Variants in COL28A1 observed in about 807,000 individuals in gnomAD.
COL28A1 encodes collagen alpha-1(XXVIII) chain.
A neutral mutation model predicts 150.2 loss-of-function variants in COL28A1; 161 were observed. The observed-to-expected ratio is 1.07, with a 90% CI of 0.94 to 1.22. The LOEUF (loss-of-function observed/expected upper bound fraction) is 1.22. Ranked by LOEUF, COL28A1 falls within the 50% of genes most tolerant of loss-of-function variation. COL28A1 has a pLI of 0.00. For synonymous variants in COL28A1, 552 were observed against 469.7 expected (o/e 1.18, Z -2.26); for missense variants, 1,617 against 1,388.3 (o/e 1.16, Z -2.62).
rs186309515 is a variant in COL28A1 at position 7,379,643 on chromosome 7, T to C, written c.2322+1017A>G. 1.9e-3 allele frequency among the ~76,000 whole-genome samples: 293 copies of C among 152,202 alleles called. 1 individual carries two copies. Among genetic ancestry groups the C allele is most frequent in the Non-Finnish European group, 3.1e-3 (208 of 67,990 alleles). ...AGTAAGGTTTACTGGATACATCCAA[T>C]AAAGGTTGGTGAAATGAATGAATGA... On this transcript the variant is annotated intron_variant, in intron 30 of 34. Coordinates refer to ENST00000399429, the MANE Select transcript of COL28A1 (RefSeq NM_001037763.3).
intron 25 of COL28A1, among the ~76,000 whole-genome samples, chr7:7,428,149 T>C (rs939643395): frequency 6.6e-6 from 1 of 152,204 alleles, no homozygotes; most frequent in African/African-American, 2.4e-5. Flanking sequence ...TAATAGTAAT[T>C]ATACCTGTAA....
At chr7:7,524,589 C>T (rs1211257686) in intron 3 of COL28A1, among the ~76,000 whole-genome samples, 1 of 152,178 alleles carries the variant, frequency 6.6e-6, no homozygotes, top group South Asian at 2.1e-4. Context: ...AAAGCTCTCA[C>T]TTTTACATAC....
At chr7:7,448,338 AG>A (rs1312666926) in intron 18 of COL28A1, among the ~76,000 whole-genome samples, 2 of 152,210 alleles carry the variant, frequency 1.3e-5, no homozygotes, top group Admixed American at 1.3e-4. Flanking sequence ...AACAAATATA[AG>A]GATAACAACA....
Position 7,380,842 on chromosome 7 carries a change from G to A in COL28A1, c.2226C>T (p.Gly742=), listed in dbSNP as rs768576496. 1.1e-5 allele frequency: 18 copies of A among 1,613,426 alleles called. No individual in the cohort carries two copies. The highest frequency in any genetic ancestry group is 2.7e-5 in the African/African-American group (2 of 74,824). Residue 742 remains glycine (G), a synonymous_variant, in exon 29 of 35, where the codon GGC becomes GGT. Transcript: ENST00000399429. The part of the protein sequence containing the change: ...PGQKGEHGER[G]DVGKKGDKGE... The stretch of plus-strand genomic sequence containing the variant: ...CTTTATCACCTTTCTTTCCCACATC[G>A]CCCCGTTCTCCGTGCTCTCCCTTTA...
chr7:7,477,327 T>A lies in COL28A1; in HGVS notation c.1165-147A>T, dbSNP rs10226811. On this transcript the variant is annotated intron_variant, in intron 13 of 34. Transcript: ENST00000399429. The stretch of plus-strand genomic sequence containing the variant: ...TGGATAGTTGGATCTGTACTAAACA[T>A]GTACAGGCTTTTTCTACTTTATTAG... The A allele has an allele frequency of 4.1e-4, 250 of 611,864 alleles. No homozygotes were observed. The East Asian group carries it at 5.7e-3, about 14-fold the overall frequency. 37.9% of individuals were successfully genotyped at this position (611,864 alleles called of 1,614,324 possible).
chr7:7,520,058 T>C lies in COL28A1; in HGVS notation c.813+4A>G. On this transcript the variant is annotated splice_donor_region_variant and intron_variant, in intron 6 of 34. Coordinates refer to ENST00000399429, the MANE Select transcript of COL28A1 (RefSeq NM_001037763.3). ...GTTTAAAGAAAAGCTGTTTATTCAT[T>C]TACCGGGTTTCCTTTTGGTCCTCGC... The C allele has an allele frequency of 7.6e-7, 1 of 1,311,678 alleles. No individual in the cohort carries two copies. Among genetic ancestry groups the C allele is most frequent in the Non-Finnish European group, 1.1e-6 (1 of 905,654 alleles). 81.3% of individuals were successfully genotyped at this position (1,311,678 alleles called of 1,614,324 possible).
At chr7:7,503,856 G>A (rs1019873752) in intron 11 of COL28A1, among the ~76,000 whole-genome samples, 36 of 152,116 alleles carry the variant, frequency 2.4e-4, no homozygotes, top group African/African-American at 3.4e-4. Context: ...GACTCCGAGC[G>A]ATCCCCAACA....
chr7:7,448,374 G>A (rs1196106795), intron 18 of COL28A1, among the ~76,000 whole-genome samples: 1 of 152,032 alleles, frequency 6.6e-6, no homozygotes, highest in Non-Finnish European at 1.5e-5. Context: ...AACAATGCAA[G>A]TGAGAAGACA....
intron 15 of COL28A1, among the ~76,000 whole-genome samples, chr7:7,458,617 C>G (rs1319316520): frequency 6.6e-6 from 1 of 152,166 alleles, no homozygotes; most frequent in African/African-American, 2.4e-5. Flanking sequence ...GAATCCAGTT[C>G]TGGCTCAGAG....
chr7:7,405,535 C>A (rs1421776321), intron 27 of COL28A1, among the ~76,000 whole-genome samples: 7 of 152,060 alleles, frequency 4.6e-5, no homozygotes, highest in Non-Finnish European at 8.8e-5. Flanking sequence ...TAAGAGGTAC[C>A]ATTTAAAGGC....
chr7:7,346,157 T>C, the COL28A1 span, among the ~76,000 whole-genome samples: 5 of 152,078 alleles, frequency 3.3e-5, no homozygotes, highest in African/African-American at 1.2e-4. Context: ...CTATTTGCTC[T>C]AATTTCCCAT....
chr7:7,375,082 T>C (rs890249879), intron 31 of COL28A1, among the ~76,000 whole-genome samples: 5 of 152,188 alleles, frequency 3.3e-5, no homozygotes, highest in African/African-American at 1.2e-4. Context: ...GACATTCTAA[T>C]CACCAGCTAG....
At chr7:7,394,710 T>C (rs1782741134) in intron 27 of COL28A1, among the ~76,000 whole-genome samples, 1 of 152,112 alleles carries the variant, frequency 6.6e-6, no homozygotes, top group Non-Finnish European at 1.5e-5. Context: ...TACACATGGA[T>C]AATATAAATG....
the COL28A1 span, among the ~76,000 whole-genome samples, chr7:7,542,383 G>C: frequency 6.6e-6 from 1 of 152,270 alleles, no homozygotes; most frequent in African/African-American, 2.4e-5. Context: ...GGGTAGATGG[G>C]TAGATTATGC....
At chr7:7,481,642 C>T (rs931591254) in intron 13 of COL28A1, among the ~76,000 whole-genome samples, 2 of 152,182 alleles carry the variant, frequency 1.3e-5, no homozygotes, top group East Asian at 3.8e-4. Flanking sequence ...ACAGCCTGAT[C>T]AGTGAAATGC....
At chr7:7,352,897 G>T (rs1780262480), downstream of COL28A1, among the ~76,000 whole-genome samples, 1 of 152,148 alleles carries the variant, frequency 6.6e-6, no homozygotes, top group Non-Finnish European at 1.5e-5. Context: ...AAGGGCTTTG[G>T]GTCCTTAGTG....
At chr7:7,509,643 TTG>T (rs1491072310) in intron 9 of COL28A1, among the ~76,000 whole-genome samples, 12 of 151,522 alleles carry the variant, frequency 7.9e-5, no homozygotes, top group African/African-American at 2.2e-4. Context: ...TGGGTTTTTT[TTG>T]TTGTTGTTAT....
At position 7,410,000 on chromosome 7, in the gene COL28A1, C is replaced by T. The variant is rs573022999; in HGVS notation, c.2136+7859G>A. 1.5e-3 allele frequency among the ~76,000 whole-genome samples: 234 copies of T among 152,220 alleles called. 2 individuals are homozygous for T. The highest frequency in any genetic ancestry group is 5.1e-3 in the African/African-American group (213 of 41,548). On this transcript the variant is annotated intron_variant, in intron 27 of 34. Transcript: ENST00000399429. ...AAGGAGATTGAAAGAGGAAAACAGC[C>T]TACTATATCCTCAGATTCTGATTTA...
chr7:7,515,513 G>T (rs1781368891), intron 8 of COL28A1, among the ~76,000 whole-genome samples: 1 of 152,134 alleles, frequency 6.6e-6, no homozygotes, highest in Non-Finnish European at 1.5e-5. Flanking sequence ...TTTGTGTAAA[G>T]AAACTTTTAG....
Sources: gnomAD v4.1 joint callset for allele counts (sites outside exome capture counted in the v4.1 genomes callset) on GRCh38, gnomAD v4.1.1 for gene constraint, MANE v1.5 for transcripts, NCBI Gene and HGNC (gene_info 2026-07-23, HGNC 2026-07-21) for gene names.